RDH13: variants seen among roughly 807,000 people sequenced by gnomAD.
The protein encoded by RDH13 is retinol dehydrogenase 13.
In RDH13, 35 loss-of-function variants were observed where a neutral mutation model predicts 28.3. The ratio of observed to expected loss-of-function variants is 1.24; its 90% CI spans 0.95 to 1.64. RDH13 has a LOEUF of 1.64. Among genes scored for constraint, RDH13 ranks in the 40% most tolerant of loss-of-function variants. The probability of loss-of-function intolerance (pLI) is 0.00; values close to 1 mark genes in which losing one functional copy is unlikely to be tolerated. For missense variants in RDH13, 514 were observed against 446.3 expected (o/e 1.15, Z -1.37); for synonymous variants, 229 against 198.5 (o/e 1.15, Z -1.29).
intron 3 of RDH13, among the ~76,000 whole-genome samples, chr19:55,052,866 G>C (rs1466112947): frequency 6.6e-6 from 1 of 151,914 alleles, no homozygotes; most frequent in African/African-American, 2.4e-5. Flanking sequence ...GTTTCACCGT[G>C]TTGGCCAGGA....
intron 3 of RDH13, among the ~76,000 whole-genome samples, chr19:55,055,559 G>A (rs930855887): frequency 6.6e-6 from 1 of 152,022 alleles, no homozygotes; most frequent in Non-Finnish European, 1.5e-5. Flanking sequence ...GCTTAATAAG[G>A]TCAGGTGCGG....
At chr19:55,042,853 G>C (rs1372849478), downstream of RDH13, 1 of 152,300 alleles carries the variant, frequency 6.6e-6, no homozygotes, top group East Asian at 1.9e-4. Flanking sequence ...ATGGCAGCCG[G>C]CTCCATCACC....
chr19:55,050,708 G>GA (rs2075399685), intron 3 of RDH13: 1 of 152,162 alleles, frequency 6.6e-6, no homozygotes, highest in South Asian at 2.1e-4. Flanking sequence ...ACCTCTAAAT[G>GA]AAGTCACATG....
intron 1 of RDH13, among the ~76,000 whole-genome samples, chr19:55,059,514 A>G (rs1214399680): frequency 7.2e-6 from 1 of 138,530 alleles, no homozygotes; most frequent in East Asian, 2.4e-4. Context: ...TGCTCACTGC[A>G]TGAGATTCCC....
At chr19:55,063,793 G>T (rs562712513), upstream of RDH13, 35 of 153,172 alleles carry the variant, frequency 2.3e-4, no homozygotes, top group South Asian at 6.6e-3. Context: ...GCCCTGCACA[G>T]AGATATCTTC....
At chr19:55,047,737 G>A (rs564303145) in intron 5 of RDH13, among the ~76,000 whole-genome samples, 12 of 152,320 alleles carry the variant, frequency 7.9e-5, no homozygotes, top group African/African-American at 2.9e-4. Context: ...TACCCCGGGA[G>A]CCTGCATCGG....
At chr19:55,052,573 GC>G (rs2075483522) in intron 3 of RDH13, among the ~76,000 whole-genome samples, 2 of 148,782 alleles carry the variant, frequency 1.3e-5, no homozygotes, top group African/African-American at 4.9e-5. Context: ...CCTCACTGCA[GC>G]CTCAACCTCC....
chr19:55,044,031 C>T (rs2075115591), downstream of RDH13: 1 of 151,954 alleles, frequency 6.6e-6, no homozygotes, highest in African/African-American at 2.4e-5. Flanking sequence ...ATTCTCCTGC[C>T]TCAGCCTCCC....
chr19:55,044,139 C>A (rs377053167), downstream of RDH13: 2 of 152,094 alleles, frequency 1.3e-5, no homozygotes, highest in African/African-American at 4.8e-5. Context: ...AGGATGGTCT[C>A]GATCTCCTGA....
At chr19:55,062,842 G>A (rs2075847630) in intron 1 of RDH13, 126 bp downstream of exon 1, 4 of 802,866 alleles carry the variant, frequency 5.0e-6, no homozygotes, top group Non-Finnish European at 5.3e-6. Flanking sequence ...CACTCCGGGC[G>A]GGCACTGCGG....
downstream of RDH13, chr19:55,042,291 CTG>C (rs2075054736): frequency 6.6e-6 from 1 of 152,208 alleles, no homozygotes. Flanking sequence ...ATCAGGGACC[CTG>C]TCAGTTGCCA....
rs1026028859 is a variant in RDH13, at chr19:55,045,435, T to C, written c.761-126A>G. On this transcript the variant is annotated intron_variant, in intron 6 of 6. Coordinates refer to ENST00000415061, the MANE Select transcript of RDH13 (RefSeq NM_001145971.2). ...GAGCCCTCCTCTAGCCCTTTCCCCT[T>C]GGCTGCCTCCATCTGCAGTTCCCTT... 6 of 668,066 alleles carry C rather than the reference T, an allele frequency of 9.0e-6. No individual in the cohort carries two copies. The African/African-American group carries it at 1.1e-4, about 12-fold the overall frequency. 41.4% of individuals were successfully genotyped at this position (668,066 alleles called of 1,614,324 possible).
chr19:55,049,409 G>A (rs1304433189), intron 3 of RDH13, among the ~76,000 whole-genome samples: 1 of 152,186 alleles, frequency 6.6e-6, no homozygotes, highest in Non-Finnish European at 1.5e-5. Context: ...TTCCTCAGCT[G>A]TAAAATGCGC....
chr19:55,049,001 G>A (rs1241128646), intron 3 of RDH13, among the ~76,000 whole-genome samples: 1 of 152,116 alleles, frequency 6.6e-6, no homozygotes, highest in East Asian at 1.9e-4. Flanking sequence ...GGCCATGTGT[G>A]GACAGAGGCA....
chr19:55,068,088 CTCTT>C (rs370934836), upstream of RDH13, among the ~76,000 whole-genome samples: 1 of 117,620 alleles, frequency 8.5e-6, no homozygotes, highest in African/African-American at 2.7e-5. Flanking sequence ...CCCCCTTCCT[CTCTT>C]TCTCCTCTCA....
chr19:55,060,216 G>A (rs7249697), intron 1 of RDH13, among the ~76,000 whole-genome samples: 12,408 of 146,648 alleles, frequency 0.085, 632 homozygotes, highest in East Asian at 0.17. Context: ...CCTGGGAACT[G>A]AATGTCTCGG....
At chr19:55,059,885 G>T (rs1273141465) in intron 1 of RDH13, among the ~76,000 whole-genome samples, 1 of 152,226 alleles carries the variant, frequency 6.6e-6, no homozygotes, top group Non-Finnish European at 1.5e-5. Context: ...AGGTTTAAGG[G>T]ATCTAGGGCT....
At chr19:55,048,295 A>C in intron 5 of RDH13, 34 bp downstream of exon 5, 1 of 1,612,780 alleles carries the variant, frequency 6.2e-7, no homozygotes, top group South Asian at 1.1e-5. Flanking sequence ...CTCAGAGTAA[A>C]GCAAGAGGGA....
At chr19:55,057,063 G>C (rs2075662183) in intron 2 of RDH13, among the ~76,000 whole-genome samples, 1 of 152,170 alleles carries the variant, frequency 6.6e-6, no homozygotes, top group South Asian at 2.1e-4. Context: ...GCTACAGCAA[G>C]GATGACCGTC....
Sources: gnomAD v4.1 joint callset for allele counts (sites outside exome capture counted in the v4.1 genomes callset) on GRCh38, gnomAD v4.1.1 for gene constraint, MANE v1.5 for transcripts, NCBI Gene and HGNC (gene_info 2026-07-23, HGNC 2026-07-21) for gene names.